NECTIN3: variants seen among roughly 807,000 people sequenced by gnomAD.
NECTIN3 encodes nectin-3.
NECTIN3 carries 8 observed loss-of-function variants against 49.4 expected under a neutral mutation model. The observed-to-expected ratio is 0.16, with a 90% confidence interval of 0.10 to 0.29. The LOEUF is 0.29. Among genes scored for constraint, NECTIN3 ranks in the 10% least tolerant of loss-of-function variants. The pLI is 1.00. For synonymous variants in NECTIN3, 277 were observed against 241.1 expected (o/e 1.15, Z -1.38); for missense variants, 581 against 654.6 (o/e 0.89, Z 1.23).
At chr3:111,121,377 T>A (rs2033946269) in intron 3 of NECTIN3, among the ~76,000 whole-genome samples, 2 of 152,158 alleles carry the variant, frequency 1.3e-5, no homozygotes, top group South Asian at 4.1e-4. Flanking sequence ...GAGTGATGGT[T>A]GAATGAATGA....
Position 111,071,914 on chromosome 3 carries a change from G to A in NECTIN3, c.-104G>A. On this transcript the variant is annotated 5_prime_UTR_variant, in exon 1 of 6. Transcript: ENST00000485303. ...GACGGCGCTAGAGCTGGGAGCTGGG[G>A]ACGCGCGCGCCGGACCTTCCACAGC... 1 of 742,902 alleles carries A rather than the reference G, an allele frequency of 1.3e-6. No individual in the cohort carries two copies. The highest frequency in any genetic ancestry group is 3.6e-5 in the South Asian group (1 of 27,930). The allele number at this position is 742,902 out of a possible 1,614,324, so 46.0% of individuals were successfully genotyped here.
In NECTIN3 at chr3:111,136,673, G is replaced by T; in HGVS notation, c.*2458G>T. Reference sequence around the variant, plus strand: ...AGGTATATATGAAAATTCTACTATCGTGAAAAAAAATGAATATTTGTACTA... The same window carrying T: ...AGGTATATATGAAAATTCTACTATCTTGAAAAAAAATGAATATTTGTACTA... On this transcript the variant is annotated 3_prime_UTR_variant, in exon 6 of 6. Coordinates refer to ENST00000485303, the MANE Select transcript of NECTIN3 (RefSeq NM_015480.3). The T allele has an allele frequency of 1.1e-6, 1 of 910,578 alleles. No homozygotes were observed. Among genetic ancestry groups the T allele is most frequent in the Non-Finnish European group, 1.3e-6 (1 of 762,628 alleles). 56.4% of individuals were successfully genotyped at this position (910,578 alleles called of 1,614,324 possible). A position where few individuals can be genotyped will look rare whatever the true frequency, so the allele number is the denominator to read the frequency against.
At chr3:111,079,406 T>A (rs1216953074) in intron 1 of NECTIN3, among the ~76,000 whole-genome samples, 2 of 152,036 alleles carry the variant, frequency 1.3e-5, no homozygotes, top group African/African-American at 4.8e-5. Context: ...AAATGTCCTT[T>A]CATTATAGAC....
At position 111,137,360 on chromosome 3, in the gene NECTIN3, T is replaced by C. The variant is rs1404241029; in HGVS notation, c.*3145T>C. 1 of 970,022 alleles carries C rather than the reference T, an allele frequency of 1.0e-6. No homozygotes were observed. The highest frequency in any genetic ancestry group is 1.2e-6 in the Non-Finnish European group (1 of 816,334). The allele number at this position is 970,022 out of a possible 1,614,324, so 60.1% of individuals were successfully genotyped here. A position where few individuals can be genotyped will look rare whatever the true frequency, so the allele number is the denominator to read the frequency against. On this transcript the variant is annotated 3_prime_UTR_variant, in exon 6 of 6. Coordinates refer to ENST00000485303, the MANE Select transcript of NECTIN3 (RefSeq NM_015480.3). ...GCATCCTTCATAAACAGCTCCTTTC[T>C]CAAATTTTTTGTATATTGTGTTTGT...
At chr3:111,167,418 A>G (rs1220103275) in intron 7 of NECTIN3, among the ~76,000 whole-genome samples, 1 of 152,198 alleles carries the variant, frequency 6.6e-6, no homozygotes, top group East Asian at 1.9e-4. Flanking sequence ...GTAATAAAAC[A>G]CTAGCTGTTC....
chr3:111,181,045 C>G (rs1000799217), intron 7 of NECTIN3, among the ~76,000 whole-genome samples: 5 of 152,016 alleles, frequency 3.3e-5, no homozygotes, highest in Non-Finnish European at 7.4e-5. Flanking sequence ...AACCATTGCC[C>G]CAAGCAAGAA....
chr3:111,193,364 A>C, intron 1 of NECTIN3: 1 of 1,534,664 alleles, frequency 6.5e-7, no homozygotes, highest in Non-Finnish European at 8.7e-7. Flanking sequence ...TCGACCCACG[A>C]GAACATTATG....
chr3:111,187,642 C>G (rs1238419188), upstream of NECTIN3, among the ~76,000 whole-genome samples: 1 of 152,032 alleles, frequency 6.6e-6, no homozygotes, highest in Non-Finnish European at 1.5e-5. Context: ...ACCATCAAGT[C>G]ATGAAAAGAC....
chr3:111,156,124 G>A (rs2035092977), intron 7 of NECTIN3, among the ~76,000 whole-genome samples: 1 of 152,100 alleles, frequency 6.6e-6, no homozygotes, highest in Non-Finnish European at 1.5e-5. Flanking sequence ...TGTTTCCACT[G>A]AAAACATGAC....
intron 3 of NECTIN3, among the ~76,000 whole-genome samples, chr3:111,120,329 T>C (rs1314224280): frequency 1.3e-5 from 2 of 152,152 alleles, no homozygotes. Context: ...GTTGGCTTAC[T>C]CCTAAAATGT....
At position 111,072,474 on chromosome 3, in the gene NECTIN3, G is replaced by C. The variant is rs1005360486; in HGVS notation, c.160+297G>C. On this transcript the variant is annotated intron_variant, in intron 1 of 5. Transcript: ENST00000485303. Reference sequence around the variant, plus strand: ...GCGCCGAACTCCGGGTTTGCTCCGGGGACCGTTACTTCCTCGCTCATTCTC... The same window carrying C: ...GCGCCGAACTCCGGGTTTGCTCCGGCGACCGTTACTTCCTCGCTCATTCTC... 2.0e-6 allele frequency: 3 copies of C among 1,535,744 alleles called. No homozygotes were observed. In the African/African-American group the frequency reaches 4.1e-5, roughly 21 times the overall value.
chr3:111,097,422 T>G (rs1355094306), intron 1 of NECTIN3, among the ~76,000 whole-genome samples: 1 of 152,062 alleles, frequency 6.6e-6, no homozygotes, highest in Non-Finnish European at 1.5e-5. Context: ...CTGAAATGAG[T>G]TAAGGCTTTG....
chr3:111,090,619 C>G (rs967171607), intron 1 of NECTIN3, among the ~76,000 whole-genome samples: 1 of 143,064 alleles, frequency 7.0e-6, no homozygotes, highest in African/African-American at 2.6e-5. Flanking sequence ...CATTTTGCAT[C>G]TTTATTTTTT....
At chr3:111,147,348 C>CTTT in intron 6 of NECTIN3, 10 of 1,018,722 alleles carry the variant, frequency 9.8e-6, no homozygotes, top group South Asian at 5.2e-5. Flanking sequence ...TTTTCTTTTG[C>CTTT]TTTTTTTTTT....
chr3:111,139,557 A>G (rs2034688384), downstream of NECTIN3, among the ~76,000 whole-genome samples: 1 of 151,794 alleles, frequency 6.6e-6, no homozygotes, highest in Non-Finnish European at 1.5e-5. Context: ...CAGAAAGTAC[A>G]TGCCTACTTT....
intron 7 of NECTIN3, among the ~76,000 whole-genome samples, chr3:111,177,786 A>C (rs900625139): frequency 1.8e-4 from 27 of 152,224 alleles, no homozygotes; most frequent in African/African-American, 5.8e-4. Flanking sequence ...GTAGGCATTT[A>C]TTAGTTATGG....
At chr3:111,105,758 A>G (rs72937908) in intron 1 of NECTIN3, among the ~76,000 whole-genome samples, 4,129 of 152,216 alleles carry the variant, frequency 0.027, 203 homozygotes, top group African/African-American at 0.094. Flanking sequence ...GCCTAGCTCT[A>G]TTTAGTTTCT....
chr3:111,095,594 G>C (rs546337384), intron 1 of NECTIN3, among the ~76,000 whole-genome samples: 1 of 152,140 alleles, frequency 6.6e-6, no homozygotes, highest in Non-Finnish European at 1.5e-5. Flanking sequence ...TATTAATATG[G>C]TTTGGTGGTG....
intron 1 of NECTIN3, among the ~76,000 whole-genome samples, chr3:111,090,046 T>C (rs2032168857): frequency 6.6e-6 from 1 of 152,182 alleles, no homozygotes; most frequent in Non-Finnish European, 1.5e-5. Flanking sequence ...CTTTGTCTAG[T>C]TTTCATATAG....
Sources: gnomAD v4.1 joint callset for allele counts (sites outside exome capture counted in the v4.1 genomes callset) on GRCh38, gnomAD v4.1.1 for gene constraint, MANE v1.5 for transcripts, NCBI Gene and HGNC (gene_info 2026-07-23, HGNC 2026-07-21) for gene names.